HELB: variants seen among roughly 807,000 people sequenced by gnomAD.
HELB encodes the protein DNA 5'-3' helicase B.
A neutral mutation model predicts 101.7 loss-of-function variants in HELB; 96 were observed. That is an observed-to-expected ratio of 0.94 (90% confidence interval 0.80 to 1.12). The LOEUF is 1.12. HELB is among the 50% of genes most tolerant of loss of function. HELB has a pLI of 0.00. For synonymous variants in HELB, 437 were observed against 459.7 expected (o/e 0.95, Z 0.63); for missense variants, 1,210 against 1,291.9 (o/e 0.94, Z 0.97).
chr12:66,303,107 TAAAA>T (rs1565633745), intron 1 of HELB, among the ~76,000 whole-genome samples: 7 of 127,558 alleles, frequency 5.5e-5, no homozygotes, highest in Non-Finnish European at 1.0e-4. Context: ...TTTTTTTTTT[TAAAA>T]TTATTCTCAT....
chr12:66,319,990 A>C (rs954800679), intron 7 of HELB, among the ~76,000 whole-genome samples: 3 of 151,524 alleles, frequency 2.0e-5, no homozygotes, highest in Admixed American at 6.6e-5. Context: ...GCAGAGGAAA[A>C]GATTAAAAAA....
chr12:66,307,896 A>G (rs1461119573), intron 3 of HELB, among the ~76,000 whole-genome samples: 1 of 151,324 alleles, frequency 6.6e-6, no homozygotes, highest in Non-Finnish European at 1.5e-5. Flanking sequence ...ACACCCAGAT[A>G]ATTTTTGTAT....
chr12:66,311,672 A>G (rs540587843), intron 4 of HELB, among the ~76,000 whole-genome samples: 1 of 152,332 alleles, frequency 6.6e-6, no homozygotes, highest in East Asian at 1.9e-4. Context: ...ATAAGTCTTT[A>G]TTTCTTCCAC....
chr12:66,329,011 G>T (rs1004540703), intron 11 of HELB, among the ~76,000 whole-genome samples: 6 of 152,152 alleles, frequency 3.9e-5, no homozygotes, highest in Non-Finnish European at 8.8e-5. Flanking sequence ...TGAAGATTTT[G>T]TGGCTCTTCA....
chr12:66,310,635 G>A (rs1436241345), intron 4 of HELB, 27 bp downstream of exon 4: 2 of 1,584,178 alleles, frequency 1.3e-6, no homozygotes, highest in East Asian at 2.2e-5. Context: ...TTCATCTGTA[G>A]ATAAAACATT....
intron 12 of HELB, among the ~76,000 whole-genome samples, chr12:66,335,494 G>A (rs1049173233): frequency 1.3e-5 from 2 of 152,184 alleles, no homozygotes; most frequent in Non-Finnish European, 2.9e-5. Flanking sequence ...AAGCAGTGGA[G>A]GCAGGTTTTG....
chr12:66,320,916 A>G (rs76844610), intron 7 of HELB, among the ~76,000 whole-genome samples: 2,080 of 152,280 alleles, frequency 0.014, 109 homozygotes, highest in Admixed American at 0.09. Context: ...AGATGTGGGG[A>G]AAGTGAAAAA....
intron 4 of HELB, among the ~76,000 whole-genome samples, chr12:66,312,927 G>T (rs976315871): frequency 6.6e-6 from 1 of 152,232 alleles, no homozygotes; most frequent in Non-Finnish European, 1.5e-5. Flanking sequence ...CTGGGATTGT[G>T]TGTGGGGGAA....
At chr12:66,303,398 T>C (rs1290386353) in intron 1 of HELB, among the ~76,000 whole-genome samples, 1 of 152,056 alleles carries the variant, frequency 6.6e-6, no homozygotes, top group Non-Finnish European at 1.5e-5. Context: ...GTGGATCACT[T>C]GAGGTCAGGA....
intron 12 of HELB, 24 bp from the exon 13 acceptor site, chr12:66,337,977 T>G (rs1198716966): frequency 2.3e-6 from 3 of 1,330,700 alleles, no homozygotes; most frequent in Non-Finnish European, 3.2e-6. Flanking sequence ...AAAATTAACT[T>G]TGTTATTTTA....
At chr12:66,319,696 T>G (rs2053648809) in intron 7 of HELB, among the ~76,000 whole-genome samples, 1 of 152,138 alleles carries the variant, frequency 6.6e-6, no homozygotes. Flanking sequence ...CAAAGGTATA[T>G]CCTTCCCACT....
At chr12:66,322,513 C>T (rs2053681784) in intron 8 of HELB, among the ~76,000 whole-genome samples, 2 of 147,790 alleles carry the variant, frequency 1.4e-5, no homozygotes, top group African/African-American at 2.5e-5. Flanking sequence ...TGCAGTGAGC[C>T]GAGAGCACGC....
chr12:66,336,442 T>A (rs1216869030), intron 12 of HELB, among the ~76,000 whole-genome samples: 1 of 152,166 alleles, frequency 6.6e-6, no homozygotes, highest in Non-Finnish European at 1.5e-5. Flanking sequence ...GTGGTTCTAA[T>A]AGAAGTGTAA....
In HELB at chr12:66,321,993, A is replaced by C; in HGVS notation, c.2201A>C (p.Gln734Pro). 1 of 1,181,144 alleles carries C rather than the reference A, an allele frequency of 8.5e-7. No homozygotes were observed. The highest frequency in any genetic ancestry group is 1.2e-6 in the Non-Finnish European group (1 of 816,628). The allele number at this position is 1,181,144 out of a possible 1,614,324, so 73.2% of individuals were successfully genotyped here. The change falls in exon 8 of 13, where the codon CAA (glutamine) becomes CCA (proline). Residue 734 changes from glutamine to proline, a missense_variant. Gln to Pro is a moderately conservative substitution (Grantham distance 76). Transcript: ENST00000247815. ...ACTTTACTACAAGAAAATAACTTAC[A>C]AAATGCAAAAACATCACAATTTATT... ...VKTLLQENNL[Q>P]NAKTSQFIAF...
intron 4 of HELB, among the ~76,000 whole-genome samples, chr12:66,312,080 T>G (rs1438276676): frequency 3.3e-5 from 5 of 152,262 alleles, no homozygotes; most frequent in Non-Finnish European, 7.3e-5. Context: ...AGACAGTGAA[T>G]TCGAGCTTTA....
At position 66,324,177 on chromosome 12, in the gene HELB, G is replaced by A. The variant is rs369506664; in HGVS notation, c.2492G>A (p.Arg831Gln). ...KNKRDFESNV[R>Q]LCNGEIFFIT... ...AAGCGTGACTTTGAAAGTAACGTTC[G>A]ACTGTGCAATGGAGAGATATTTTTC... The change falls in exon 10 of 13, where the codon CGA (arginine) becomes CAA (glutamine). Residue 831 changes from arginine to glutamine, a missense_variant. Transcript: ENST00000247815. The A allele has an allele frequency of 2.7e-5, 44 of 1,613,154 alleles. No homozygotes were observed. Among genetic ancestry groups the A allele is most frequent in the South Asian group, 7.7e-5 (7 of 91,028 alleles).
Position 66,324,000 on chromosome 12 carries a change from T to C in HELB, c.2315T>C (p.Leu772Pro). Residue 772 changes from leucine (L) to proline (P), a missense_variant, in exon 10 of 13, where the codon CTT (leucine) becomes CCT (proline). By Grantham distance (98) the Leu-to-Pro change is moderately conservative. This residue lies in a region of HELB where 740 missense variants were observed against 728.8 expected (regional missense o/e 1.02). Coordinates refer to ENST00000247815, the MANE Select transcript of HELB (RefSeq NM_001370285.1). ...TATCCCAGAGACCATCAGAGTAGAC[T>C]TGTTTTTGGAATTGGTGATAAAATT... is the stretch of plus-strand genomic sequence containing the variant. ...GHLTKDHQSR[L>P]VFGIGDKICC... 1 of 1,610,230 alleles carries C rather than the reference T, an allele frequency of 6.2e-7. No homozygotes were observed.
In HELB at chr12:66,310,282, G is replaced by C. The variant is rs1754948091; in HGVS notation, c.1354G>C (p.Val452Leu). The C allele has an allele frequency of 1.9e-6, 3 of 1,614,154 alleles. No homozygotes were observed. Among genetic ancestry groups the C allele is most frequent in the Admixed American group, 3.3e-5 (2 of 60,028 alleles). The change falls in exon 4 of 13, where the codon GTT becomes CTT. Residue 452 changes from valine to leucine, a missense_variant. By Grantham distance (32) the Val-to-Leu change is conservative (BLOSUM62 1). Around this residue, in one of 2 missense-constraint regions of HELB, gnomAD observed 470 missense variants for 563.1 expected, o/e 0.83. Coordinates refer to ENST00000247815, the MANE Select transcript of HELB (RefSeq NM_001370285.1). Reference sequence around the variant, plus strand: ...TCAGCTGGATCAGGATCAGGTTGAAGTTCCACTGGATCGGGATCAGGTGGC... The same window carrying C: ...TCAGCTGGATCAGGATCAGGTTGAACTTCCACTGGATCGGGATCAGGTGGC... ...EVQLDQDQVE[V>L]PLDRDQVAAL... is the part of the protein sequence containing the mutation.
chr12:66,327,496 T>A (rs185178500), intron 11 of HELB, among the ~76,000 whole-genome samples: 9 of 152,334 alleles, frequency 5.9e-5, no homozygotes, highest in East Asian at 5.8e-4. Context: ...CAGTTTTTTT[T>A]AATAAGAACG....
Sources: gnomAD v4.1 joint callset for allele counts (sites outside exome capture counted in the v4.1 genomes callset) on GRCh38, gnomAD v4.1.1 for gene constraint, gnomAD v4.1.1 regional missense constraint, MANE v1.5 for transcripts, NCBI Gene and HGNC (gene_info 2026-07-23, HGNC 2026-07-21) for gene names.